The following STK33 variants were observed in gnomAD, a reference collection of about 807,000 sequenced individuals.
STK33 encodes the protein serine/threonine-protein kinase 33.
STK33 carries 52 observed loss-of-function variants against 58.0 expected under a neutral mutation model. The ratio of observed to expected loss-of-function variants is 0.90; its 90% CI spans 0.72 to 1.13. The LOEUF (loss-of-function observed/expected upper bound fraction) is 1.13, where lower values mean the gene tolerates loss of function less well. Among genes scored for constraint, STK33 ranks in the 50% most tolerant of loss-of-function variants. The pLI, the probability that STK33 is intolerant of heterozygous loss-of-function variation, is 0.00. For missense variants in STK33, 630 were observed against 604.2 expected (o/e 1.04, Z -0.45); for synonymous variants, 215 against 200.1 (o/e 1.07, Z -0.63).
the STK33 span, among the ~76,000 whole-genome samples, chr11:8,339,206 GATTT>G: frequency 6.6e-6 from 1 of 152,152 alleles, no homozygotes; most frequent in African/African-American, 2.4e-5. Flanking sequence ...GGCTCCGAGG[GATTT>G]ATTAATGCAC....
At chr11:8,483,026 C>T (rs924627129) in intron 1 of STK33, among the ~76,000 whole-genome samples, 3 of 152,074 alleles carry the variant, frequency 2.0e-5, no homozygotes, top group Admixed American at 6.6e-5. Context: ...CCAACGCACC[C>T]GGCCAGCAGC....
At chr11:8,446,303 T>G (rs1241653848) in intron 11 of STK33, among the ~76,000 whole-genome samples, 1 of 152,164 alleles carries the variant, frequency 6.6e-6, no homozygotes, top group African/African-American at 2.4e-5. Context: ...GTCTATATAT[T>G]TTGTTAATCT....
At chr11:8,547,164 A>G (rs891291299) in intron 1 of STK33, among the ~76,000 whole-genome samples, 1 of 152,132 alleles carries the variant, frequency 6.6e-6, no homozygotes, top group Non-Finnish European at 1.5e-5. Flanking sequence ...ATGATTAGCG[A>G]TAAGAATTTT....
intron 1 of STK33, among the ~76,000 whole-genome samples, chr11:8,516,980 G>C (rs915059267): frequency 6.6e-6 from 1 of 152,232 alleles, no homozygotes; most frequent in African/African-American, 2.4e-5. Flanking sequence ...TTTGAAGACA[G>C]TAGCGGTTCT....
chr11:8,498,896 T>C (rs978700172), intron 1 of STK33, among the ~76,000 whole-genome samples: 1 of 152,196 alleles, frequency 6.6e-6, no homozygotes, highest in Non-Finnish European at 1.5e-5. Context: ...AAACTGAAAC[T>C]GGACCCCTTC....
At chr11:8,553,184 ATATATATATATATGGTG>A (rs1277760868) in intron 1 of STK33, among the ~76,000 whole-genome samples, 1,211 of 75,966 alleles carry the variant, frequency 0.016, 27 homozygotes, top group African/African-American at 0.045. Context: ...ATATATATAT[ATATATATATATATGGTG>A]TATATATATA....
chr11:8,527,762 A>G (rs1366726497), intron 1 of STK33, among the ~76,000 whole-genome samples: 1 of 152,174 alleles, frequency 6.6e-6, no homozygotes, highest in East Asian at 1.9e-4. Flanking sequence ...CACAGAAGCA[A>G]CCACAATAGC....
At chr11:8,378,289 T>G in the STK33 span, among the ~76,000 whole-genome samples, 1 of 152,254 alleles carries the variant, frequency 6.6e-6, no homozygotes, top group East Asian at 1.9e-4. Flanking sequence ...GAGGCCGAGG[T>G]GGGTGGATCA....
At chr11:8,455,810 CAAAA>C (rs1156835375) in intron 9 of STK33, among the ~76,000 whole-genome samples, 4 of 47,136 alleles carry the variant, frequency 8.5e-5, no homozygotes, top group East Asian at 7.5e-4. Context: ...GACTCTGTCT[CAAAA>C]AAAAAAAAAA....
intron 1 of STK33, among the ~76,000 whole-genome samples, chr11:8,515,989 C>T (rs767742451): frequency 2.6e-5 from 4 of 152,148 alleles, no homozygotes; most frequent in Non-Finnish European, 2.9e-5. Flanking sequence ...CCCACACTGC[C>T]CAAAGCAATC....
At chr11:8,386,782 T>C in the STK33 span, among the ~76,000 whole-genome samples, 1 of 151,880 alleles carries the variant, frequency 6.6e-6, no homozygotes, top group African/African-American at 2.4e-5. Flanking sequence ...GATGGGGAGG[T>C]GGACTCCACA....
At chr11:8,498,417 C>A (rs1465662863) in intron 1 of STK33, among the ~76,000 whole-genome samples, 2 of 152,110 alleles carry the variant, frequency 1.3e-5, no homozygotes, top group Admixed American at 6.6e-5. Context: ...GAACTACAAA[C>A]CCTGCTCGAG....
chr11:8,553,992 T>A (rs140774474), intron 1 of STK33, among the ~76,000 whole-genome samples: 1 of 152,006 alleles, frequency 6.6e-6, no homozygotes, highest in Admixed American at 6.6e-5. Flanking sequence ...GGAAACAGAT[T>A]AACAAAGTGA....
chr11:8,407,432 T>A (rs1939437510), intron 15 of STK33, among the ~76,000 whole-genome samples: 1 of 152,106 alleles, frequency 6.6e-6, no homozygotes, highest in Admixed American at 6.5e-5. Context: ...CTTCAAAGAT[T>A]TAGAAGAATT....
the STK33 span, among the ~76,000 whole-genome samples, chr11:8,342,272 G>A: frequency 6.6e-6 from 1 of 152,206 alleles, no homozygotes; most frequent in Non-Finnish European, 1.5e-5. Flanking sequence ...AGGACCTTCA[G>A]GAAGAACTTT....
At chr11:8,497,435 G>GT (rs1951149698) in intron 1 of STK33, among the ~76,000 whole-genome samples, 1 of 152,176 alleles carries the variant, frequency 6.6e-6, no homozygotes, top group Non-Finnish European at 1.5e-5. Flanking sequence ...AAACCATGGA[G>GT]GCCAGAAGGA....
intron 1 of STK33, among the ~76,000 whole-genome samples, chr11:8,593,419 A>C (rs1215830061): frequency 2.0e-5 from 3 of 152,186 alleles, no homozygotes; most frequent in Non-Finnish European, 2.9e-5. Context: ...AATATCCCTT[A>C]CTAACGCTCA....
chr11:8,523,347 G>A (rs1233163903), intron 1 of STK33, among the ~76,000 whole-genome samples: 1 of 151,288 alleles, frequency 6.6e-6, no homozygotes, highest in Admixed American at 6.6e-5. Context: ...AGGAAGTGAG[G>A]AGCGTCTCTG....
intron 1 of STK33, among the ~76,000 whole-genome samples, chr11:8,588,959 C>G (rs2032163950): frequency 6.6e-6 from 1 of 152,038 alleles, no homozygotes; most frequent in Non-Finnish European, 1.5e-5. Context: ...TAAATCAAAA[C>G]CATAATGAGA....
Sources: gnomAD v4.1 joint callset for allele counts (sites outside exome capture counted in the v4.1 genomes callset) on GRCh38, gnomAD v4.1.1 for gene constraint, MANE v1.5 for transcripts, NCBI Gene and HGNC (gene_info 2026-07-23, HGNC 2026-07-21) for gene names.